BZW2: variants seen among roughly 807,000 people sequenced by gnomAD.
The protein encoded by BZW2 is eIF5-mimic protein 1.
In BZW2, 23 loss-of-function variants were observed where a neutral mutation model predicts 53.2. The observed-to-expected ratio is 0.43, with a 90% CI of 0.31 to 0.61. The LOEUF is 0.61. BZW2 is among the 20% of genes least tolerant of loss of function. BZW2 has a pLI of 0.09. For missense variants in BZW2, 409 were observed against 503.1 expected (o/e 0.81, Z 1.79); for synonymous variants, 227 against 186.4 (o/e 1.22, Z -1.77).
chr7:16,698,383 G>A, intron 10 of BZW2, 197 bp downstream of exon 10: 1 of 592,546 alleles, frequency 1.7e-6, no homozygotes. Flanking sequence ...CGTTGCCTTG[G>A]AAACCCTGCT....
chr7:16,647,460 T>A (rs1410448618), intron 1 of BZW2, among the ~76,000 whole-genome samples: 2 of 152,234 alleles, frequency 1.3e-5, no homozygotes, highest in Admixed American at 1.3e-4. Flanking sequence ...TCTCCTGGAA[T>A]ATGTTTATCA....
chr7:16,670,749 C>T (rs145036109), intron 2 of BZW2, among the ~76,000 whole-genome samples: 197 of 152,248 alleles, frequency 1.3e-3, no homozygotes, highest in African/African-American at 4.6e-3. Context: ...TTTTCCTCCC[C>T]CTCTACACAA....
At chr7:16,686,194 A>G in intron 6 of BZW2, 154 bp downstream of exon 6, 4 of 1,201,870 alleles carry the variant, frequency 3.3e-6, no homozygotes, top group Non-Finnish European at 1.2e-6. Context: ...TGCCTTTCAA[A>G]TAATAAAAGG....
chr7:16,696,141 G>GAAAACAGCAAAAAAGAAAAGGGAGGA (rs1562496622), intron 8 of BZW2: 5 of 151,264 alleles, frequency 3.3e-5, no homozygotes, highest in Non-Finnish European at 5.9e-5. Context: ...AAAAGGGAGG[G>GAAAACAGCAAAAAAGAAAAGGGAGGA]AAAAAAAAGG....
rs562349329 is a variant in BZW2 at position 16,648,032 on chromosome 7, A to C, written c.-8+1744A>C. Among the ~76,000 whole-genome samples the C allele has an allele frequency of 6.6e-5, 10 of 152,352 alleles. No homozygotes were observed. In the South Asian group the frequency reaches 2.1e-3, roughly 32 times the overall value. Reference sequence around the variant, plus strand: ...ATACATGACCAGTGAATTTAGAGACAATAACGTTGAAAGAGAATCTAACAT... The same window carrying C: ...ATACATGACCAGTGAATTTAGAGACCATAACGTTGAAAGAGAATCTAACAT... On this transcript the variant is annotated intron_variant, in intron 1 of 11. Transcript: ENST00000258761.
chr7:16,694,850 A>T lies in BZW2; in HGVS notation c.668A>T (p.Asn223Ile), dbSNP rs1783429283. 7 of 1,522,724 alleles carry T rather than the reference A, an allele frequency of 4.6e-6. No homozygotes were observed. The highest frequency in any genetic ancestry group is 6.3e-6 in the Non-Finnish European group (7 of 1,115,980). The allele number at this position is 1,522,724 out of a possible 1,614,324, so 94.3% of individuals were successfully genotyped here. ...CTTTTTCAGGAACTCTTTCCAGTTA[A>T]CAGACAGAGTGTGGATCATTTTGCT... ...DKRLLELFPV[N>I]RQSVDHFAKY... Residue 223 changes from asparagine to isoleucine, a missense_variant, in exon 8 of 12, where the codon AAC becomes ATC. By Grantham distance (149) the Asn-to-Ile change is moderately radical. Transcript: ENST00000258761.
chr7:16,679,703 G>A (rs1188464980), intron 3 of BZW2, among the ~76,000 whole-genome samples: 2 of 152,222 alleles, frequency 1.3e-5, no homozygotes, highest in Non-Finnish European at 2.9e-5. Context: ...TGGCTAATGA[G>A]TAGAGAGTGT....
chr7:16,656,150 T>TATATATATATATATATATATATACACAC lies in BZW2; in HGVS notation c.-7-9286_-7-9285insTATATATATATATATATATATACACACA, dbSNP rs143994492. Among the ~76,000 whole-genome samples, 142 of 150,228 alleles carry TATATATATATATATATATATATACACAC rather than the reference T, an allele frequency of 9.5e-4. 1 individual carries two copies. The highest frequency in any genetic ancestry group is 3.4e-3 in the African/African-American group (137 of 40,090). On this transcript the variant is annotated intron_variant, in intron 1 of 11. Transcript: ENST00000258761. ...ATATATAAATGACTATATATATATA[T>TATATATATATATATATATATATACACAC]ACATAAATATTTTTTCCCAGTACAG...
At chr7:16,679,051 T>C (rs1375409756) in intron 3 of BZW2, among the ~76,000 whole-genome samples, 1 of 152,110 alleles carries the variant, frequency 6.6e-6, no homozygotes, top group Non-Finnish European at 1.5e-5. Flanking sequence ...CATTGATAAA[T>C]ATCTTAACAG....
At chr7:16,663,604 T>A (rs1477921737) in intron 1 of BZW2, among the ~76,000 whole-genome samples, 10 of 152,054 alleles carry the variant, frequency 6.6e-5, no homozygotes, top group African/African-American at 1.4e-4. Flanking sequence ...AAGGATTTTT[T>A]AAAAAAAACT....
chr7:16,689,750 TG>T (rs1286763190), intron 6 of BZW2, 46 bp from the exon 7 acceptor site: 1 of 1,507,798 alleles, frequency 6.6e-7, no homozygotes, highest in South Asian at 1.2e-5. Flanking sequence ...CCATCACAAT[TG>T]GTTTTGCTCG....
At chr7:16,695,075 G>A (rs1458031613) in intron 8 of BZW2, 71 bp downstream of exon 8, 2 of 1,386,488 alleles carry the variant, frequency 1.4e-6, no homozygotes, top group East Asian at 2.3e-5. Context: ...GTGTAGCAAA[G>A]GCTTTCCTTA....
intron 1 of BZW2, among the ~76,000 whole-genome samples, chr7:16,649,467 T>C (rs1321180465): frequency 6.6e-6 from 1 of 152,236 alleles, no homozygotes; most frequent in East Asian, 1.9e-4. Context: ...TGATGAATGC[T>C]ATCAACCAAG....
chr7:16,685,870 C>CT (rs1318659590), intron 5 of BZW2, 35 bp from the exon 6 acceptor site: 13 of 1,426,554 alleles, frequency 9.1e-6, no homozygotes, highest in Admixed American at 8.6e-5. Context: ...TTTTCTTTTT[C>CT]TTTTTCTTTT....
chr7:16,696,887 T>C, intron 8 of BZW2, 28 bp from the exon 9 acceptor site: 1 of 1,613,448 alleles, frequency 6.2e-7, no homozygotes, highest in African/African-American at 1.3e-5. Flanking sequence ...TGCCTGTTAC[T>C]TTCTGACCCC....
At chr7:16,648,264 A>G (rs958960493) in intron 1 of BZW2, among the ~76,000 whole-genome samples, 2 of 152,206 alleles carry the variant, frequency 1.3e-5, no homozygotes, top group African/African-American at 4.8e-5. Flanking sequence ...CTTCATATTG[A>G]GTATTTAGTC....
rs1172407347 is a variant in BZW2 at position 16,681,343 on chromosome 7, T to C, written c.278T>C (p.Met93Thr). ...TRIDDGDKTK[M>T]TNHCVFSANE... ...ATAGATGATGGTGACAAGACCAAGA[T>C]GACCAACCACTGTGTGTTTTCAGCA... The change falls in exon 4 of 12, where the codon ATG becomes ACG. Residue 93 changes from methionine to threonine, a missense_variant. By Grantham distance (81) the Met-to-Thr change is moderately conservative (BLOSUM62 -1). Coordinates refer to ENST00000258761, the MANE Select transcript of BZW2 (RefSeq NM_014038.3). The C allele has an allele frequency of 1.2e-6, 2 of 1,614,110 alleles. No individual in the cohort carries two copies. Among genetic ancestry groups the C allele is most frequent in the Non-Finnish European group, 1.7e-6 (2 of 1,179,970 alleles).
chr7:16,663,038 C>T (rs1028193678), intron 1 of BZW2, among the ~76,000 whole-genome samples: 1 of 152,172 alleles, frequency 6.6e-6, no homozygotes, highest in Non-Finnish European at 1.5e-5. Flanking sequence ...AAAGTATTGG[C>T]TGATTCAGAG....
At chr7:16,650,075 G>T (rs1405223554) in intron 1 of BZW2, among the ~76,000 whole-genome samples, 2 of 151,952 alleles carry the variant, frequency 1.3e-5, no homozygotes, top group African/African-American at 4.8e-5. Context: ...TCTATACTTG[G>T]AGTTTCGCTT....
Sources: allele counts gnomAD v4.1 joint callset (sites outside exome capture counted in the v4.1 genomes callset), GRCh38; gene constraint gnomAD v4.1.1; transcripts MANE v1.5; gene names NCBI Gene and HGNC (gene_info 2026-07-23, HGNC 2026-07-21).